HS3ST2: variants seen among roughly 807,000 people sequenced by gnomAD.
HS3ST2 encodes the protein heparan sulfate glucosamine 3-O-sulfotransferase 2.
Under a neutral mutation model 26.3 loss-of-function variants are expected in HS3ST2, and 17 were observed. The ratio of observed to expected loss-of-function variants is 0.65; its 90% CI spans 0.44 to 0.97. The LOEUF is 0.97. Among genes scored for constraint, HS3ST2 ranks in the 50% least tolerant of loss-of-function variants. The pLI is 0.00. For missense variants in HS3ST2, 402 were observed against 501.2 expected, an observed-to-expected ratio of 0.80 and a Z score of 1.89; for synonymous variants, 237 against 219.2, an observed-to-expected ratio of 1.08 and a Z score of -0.72.
rs910001333 is a variant in HS3ST2 at position 22,814,888 on chromosome 16, T to A, written c.278T>A (p.Val93Glu). The A allele has an allele frequency of 1.3e-5, 20 of 1,563,880 alleles. No individual in the cohort carries two copies. Among genetic ancestry groups the A allele is most frequent in the Non-Finnish European group, 1.6e-5 (19 of 1,155,226 alleles). The change falls in exon 1 of 2, where the codon GTG becomes GAG. Residue 93 changes from valine to glutamate, a missense_variant. By Grantham distance (121) the Val-to-Glu change is moderately radical. Around this residue, in one of 2 missense-constraint regions of HS3ST2, gnomAD observed 165 missense variants for 154.6 expected, o/e 1.07. Coordinates refer to ENST00000261374, the MANE Select transcript of HS3ST2 (RefSeq NM_006043.2). ...GCTCCCAGCGCGCCCGCCGCCGCCG[T>A]GCCCGCCCCTCGCCTCTCCGGTTCC... is the stretch of plus-strand genomic sequence containing the variant. ...PSAPSAPAAA[V>E]PAPRLSGSNH...
intron 1 of HS3ST2, among the ~76,000 whole-genome samples, chr16:22,863,572 C>A (rs1162256388): frequency 1.3e-5 from 2 of 152,198 alleles, no homozygotes; most frequent in Non-Finnish European, 2.9e-5. Flanking sequence ...GTTTTTCAAC[C>A]CTTGCCCCCA....
chr16:22,870,138 A>G (rs1901814569), intron 1 of HS3ST2, among the ~76,000 whole-genome samples: 1 of 152,084 alleles, frequency 6.6e-6, no homozygotes, highest in Non-Finnish European at 1.5e-5. Flanking sequence ...GTGGAATTTG[A>G]ACTTGGGCCA....
chr16:22,908,750 C>G (rs1902385631), intron 1 of HS3ST2, among the ~76,000 whole-genome samples: 1 of 152,156 alleles, frequency 6.6e-6, no homozygotes, highest in African/African-American at 2.4e-5. Context: ...TTCATGAAGG[C>G]AGAGCCCGCA....
chr16:22,878,316 A>C (rs1256601452), intron 1 of HS3ST2, among the ~76,000 whole-genome samples: 1 of 152,208 alleles, frequency 6.6e-6, no homozygotes, highest in Non-Finnish European at 1.5e-5. Context: ...TTGTTAAAGA[A>C]ATAAGAACAA....
At chr16:22,892,401 C>G (rs1902143186) in intron 1 of HS3ST2, among the ~76,000 whole-genome samples, 1 of 151,870 alleles carries the variant, frequency 6.6e-6, no homozygotes, top group African/African-American at 2.4e-5. Flanking sequence ...CTTTTAATAT[C>G]CAAGTACACA....
chr16:22,828,366 A>G (rs1246922662), intron 1 of HS3ST2, among the ~76,000 whole-genome samples: 1 of 152,204 alleles, frequency 6.6e-6, no homozygotes, highest in Non-Finnish European at 1.5e-5. Flanking sequence ...TTCTTGTTCC[A>G]GCCTCATCAG....
intron 1 of HS3ST2, among the ~76,000 whole-genome samples, chr16:22,816,552 G>C (rs569086509): frequency 2.0e-5 from 3 of 152,312 alleles, no homozygotes; most frequent in African/African-American, 7.2e-5. Flanking sequence ...CCAACCAGGG[G>C]CTAGCTAGCC....
intron 1 of HS3ST2, among the ~76,000 whole-genome samples, chr16:22,822,443 C>T (rs562072823): frequency 1.3e-5 from 2 of 152,276 alleles, no homozygotes; most frequent in Admixed American, 1.3e-4. Context: ...GCTGGGATTA[C>T]AGGTGTGAGC....
At chr16:22,874,763 T>C (rs945382449) in intron 1 of HS3ST2, among the ~76,000 whole-genome samples, 1 of 152,216 alleles carries the variant, frequency 6.6e-6, no homozygotes, top group African/African-American at 2.4e-5. Flanking sequence ...AATCTCCTGG[T>C]TCTCCTCAGA....
chr16:22,846,548 C>A (rs1901435701), intron 1 of HS3ST2, among the ~76,000 whole-genome samples: 1 of 152,100 alleles, frequency 6.6e-6, no homozygotes, highest in Non-Finnish European at 1.5e-5. Context: ...TACGTGAACT[C>A]CTCTGTAATC....
chr16:22,881,783 T>A (rs1901993773), intron 1 of HS3ST2, among the ~76,000 whole-genome samples: 1 of 152,170 alleles, frequency 6.6e-6, no homozygotes. Context: ...GAACTGTGGG[T>A]CCTTTGCTCA....
intron 1 of HS3ST2, among the ~76,000 whole-genome samples, chr16:22,856,497 G>A (rs893433798): frequency 6.6e-6 from 1 of 152,128 alleles, no homozygotes; most frequent in Non-Finnish European, 1.5e-5. Flanking sequence ...CCTAGAAATA[G>A]AAATCCTATT....
intron 1 of HS3ST2, among the ~76,000 whole-genome samples, chr16:22,843,763 G>GT (rs1901392959): frequency 6.6e-6 from 1 of 152,100 alleles, no homozygotes; most frequent in African/African-American, 2.4e-5. Context: ...GTTCTGTTGG[G>GT]TTTTTATGGA....
chr16:22,818,170 A>G (rs1640263599), intron 1 of HS3ST2, among the ~76,000 whole-genome samples: 1 of 152,164 alleles, frequency 6.6e-6, no homozygotes, highest in Admixed American at 6.5e-5. Context: ...TCCCCGAGGT[A>G]AGAGCTGCAG....
rs530806001 is a variant in HS3ST2 at position 22,902,424 on chromosome 16, C to A, written c.486-12520C>A. Among the ~76,000 whole-genome samples the A allele has an allele frequency of 1.6e-4, 24 of 152,348 alleles. No homozygotes were observed. The East Asian group carries it at 4.6e-3, about 29-fold the overall frequency. ...TTCTAGTTGTAGGTATCCTCCCATA[C>A]CCTTTCTACCTTTTGGACCTGCCCT... On this transcript the variant is annotated intron_variant, in intron 1 of 1. Coordinates refer to ENST00000261374, the MANE Select transcript of HS3ST2 (RefSeq NM_006043.2).
intron 1 of HS3ST2, among the ~76,000 whole-genome samples, chr16:22,832,488 G>A (rs1439747547): frequency 2.0e-5 from 3 of 151,818 alleles, no homozygotes; most frequent in Non-Finnish European, 4.4e-5. Context: ...ATGTGGATGT[G>A]GGCGGTATTC....
chr16:22,824,331 G>A (rs757924153), intron 1 of HS3ST2, among the ~76,000 whole-genome samples: 1 of 152,132 alleles, frequency 6.6e-6, no homozygotes, highest in Non-Finnish European at 1.5e-5. Flanking sequence ...GGTGGATCAC[G>A]AGGTCAGGAG....
At chr16:22,853,460 C>T (rs1017928121) in intron 1 of HS3ST2, among the ~76,000 whole-genome samples, 5 of 152,044 alleles carry the variant, frequency 3.3e-5, no homozygotes, top group African/African-American at 9.7e-5. Flanking sequence ...TTCAGGAATC[C>T]GTGAATGGGT....
chr16:22,832,108 G>A lies in HS3ST2; in HGVS notation c.485+17013G>A, dbSNP rs192619735. Among the ~76,000 whole-genome samples, 599 of 150,754 alleles carry A rather than the reference G, an allele frequency of 4.0e-3. 1 individual carries two copies. Among genetic ancestry groups the A allele is most frequent in the Non-Finnish European group, 4.1e-3 (279 of 67,798 alleles). On this transcript the variant is annotated intron_variant, in intron 1 of 1. Coordinates refer to ENST00000261374, the MANE Select transcript of HS3ST2 (RefSeq NM_006043.2). ...AGTGATCCTCCCACTTCAGCTTCCC[G>A]AGTAGCTGGGACCACAGGCATGTGC... is the stretch of plus-strand genomic sequence containing the variant.
Sources: allele counts gnomAD v4.1 joint callset (sites outside exome capture counted in the v4.1 genomes callset), GRCh38; gene constraint gnomAD v4.1.1; regional missense constraint gnomAD v4.1.1; transcripts MANE v1.5; gene names NCBI Gene and HGNC (gene_info 2026-07-23, HGNC 2026-07-21).